The following MACROD2 variants were observed in gnomAD, a reference collection of about 807,000 sequenced individuals.
MACROD2 encodes mono-ADP ribosylhydrolase 2.
Under a neutral mutation model 70.4 loss-of-function variants are expected in MACROD2, and 36 were observed. That is an observed-to-expected ratio of 0.51 (90% CI 0.39 to 0.68). MACROD2 has a LOEUF of 0.68. MACROD2 is among the 30% of genes least tolerant of loss of function. The pLI is 0.00. For synonymous variants in MACROD2, 172 were observed against 178.8 expected (o/e 0.96, Z 0.30); for missense variants, 496 against 538.4 (o/e 0.92, Z 0.78).
intron 6 of MACROD2, among the ~76,000 whole-genome samples, chr20:15,303,442 C>T (rs948610641): frequency 3.9e-5 from 6 of 152,114 alleles, no homozygotes; most frequent in Admixed American, 6.6e-5. Flanking sequence ...GTCATCATGC[C>T]GCCTTGCCCT....
At chr20:14,214,002 T>C (rs1033691600) in intron 3 of MACROD2, among the ~76,000 whole-genome samples, 1 of 152,140 alleles carries the variant, frequency 6.6e-6, no homozygotes, top group East Asian at 1.9e-4. Flanking sequence ...GTGCACCTAC[T>C]TGCCTTGCTT....
chr20:15,663,870 C>G (rs1026110017), intron 8 of MACROD2, among the ~76,000 whole-genome samples: 10 of 152,140 alleles, frequency 6.6e-5, no homozygotes, highest in Non-Finnish European at 1.3e-4. Context: ...ACTGCAAAAA[C>G]AGAAGTCGGG....
chr20:14,254,676 T>A (rs1296900206), intron 3 of MACROD2, among the ~76,000 whole-genome samples: 1 of 152,216 alleles, frequency 6.6e-6, no homozygotes, highest in African/African-American at 2.4e-5. Context: ...AATAATTTTG[T>A]TCTATCCATA....
At chr20:14,132,891 T>A (rs113129443) in intron 3 of MACROD2, among the ~76,000 whole-genome samples, 4,036 of 152,290 alleles carry the variant, frequency 0.027, 53 homozygotes, top group Non-Finnish European at 0.032. Context: ...TCCTCCTGCC[T>A]TGGTCTCCCA....
chr20:14,470,614 T>A (rs1025966434), intron 3 of MACROD2, among the ~76,000 whole-genome samples: 7 of 152,088 alleles, frequency 4.6e-5, no homozygotes, highest in African/African-American at 1.7e-4. Flanking sequence ...TTTCAGAGAT[T>A]CCCTGCCTAG....
intron 8 of MACROD2, among the ~76,000 whole-genome samples, chr20:15,607,058 A>G (rs1380258517): frequency 2.6e-5 from 4 of 151,912 alleles, no homozygotes; most frequent in African/African-American, 9.7e-5. Context: ...GCTCATGACT[A>G]TTATCCCGGC....
At chr20:15,173,175 AATT>A (rs1401246175) in intron 5 of MACROD2, among the ~76,000 whole-genome samples, 12 of 151,718 alleles carry the variant, frequency 7.9e-5, no homozygotes, top group African/African-American at 1.7e-4. Context: ...GACTCAAAGA[AATT>A]ATCCATTACT....
intron 8 of MACROD2, among the ~76,000 whole-genome samples, chr20:15,591,434 G>A (rs1205367727): frequency 6.6e-6 from 1 of 152,000 alleles, no homozygotes; most frequent in Non-Finnish European, 1.5e-5. Flanking sequence ...ACAAGAACCT[G>A]ACATGACACC....
chr20:14,842,834 A>C (rs1396449934), intron 5 of MACROD2, among the ~76,000 whole-genome samples: 3 of 152,122 alleles, frequency 2.0e-5, no homozygotes, highest in Admixed American at 1.3e-4. Context: ...AACAGAGTCC[A>C]ATATTCAATC....
intron 5 of MACROD2, among the ~76,000 whole-genome samples, chr20:14,732,618 T>G (rs892727135): frequency 2.6e-5 from 4 of 152,150 alleles, no homozygotes; most frequent in Admixed American, 6.5e-5. Context: ...GGAAAGTCGA[T>G]GTTTTAGCCC....
At chr20:15,210,552 G>GTTTTTTTTTTTTTTTTTTTTTTT (rs11333280) in intron 5 of MACROD2, among the ~76,000 whole-genome samples, 2 of 121,648 alleles carry the variant, frequency 1.6e-5, no homozygotes, top group African/African-American at 3.2e-5. Context: ...CTTTTCTTCT[G>GTTTTTTTTTTTTTTTTTTTTTTT]TTTTTTTTTT....
chr20:15,966,484 A>G (rs1452685226), intron 12 of MACROD2, among the ~76,000 whole-genome samples: 1 of 152,166 alleles, frequency 6.6e-6, no homozygotes, highest in East Asian at 1.9e-4. Context: ...GCTCACACCT[A>G]TAATCCCAGC....
In MACROD2 at chr20:15,002,287, GT is replaced by G. The variant is rs199572306; in HGVS notation, c.419-227645del. ...CCACACAAACATCTAGTATTTTTTT[GT>G]TTTTTTTGGCTATGGCCATTCTTTT... On this transcript the variant is annotated intron_variant, in intron 5 of 17. Coordinates refer to ENST00000684519, the MANE Select transcript of MACROD2 (RefSeq NM_001351661.2). Among the ~76,000 whole-genome samples the G allele has an allele frequency of 3.3e-5, 5 of 151,350 alleles. No individual in the cohort carries two copies. The East Asian group carries it at 7.8e-4, about 24-fold the overall frequency.
At chr20:14,529,460 A>G (rs2085275903) in intron 4 of MACROD2, among the ~76,000 whole-genome samples, 1 of 152,206 alleles carries the variant, frequency 6.6e-6, no homozygotes, top group Non-Finnish European at 1.5e-5. Context: ...TTTACAGGCC[A>G]GGATAGGCTC....
At chr20:15,727,032 G>A (rs1263112466) in intron 8 of MACROD2, among the ~76,000 whole-genome samples, 4 of 151,950 alleles carry the variant, frequency 2.6e-5, no homozygotes, top group Non-Finnish European at 4.4e-5. Context: ...GTATTTCCTA[G>A]GTTATCTTCT....
At chr20:15,603,830 G>T (rs1439243222) in intron 8 of MACROD2, among the ~76,000 whole-genome samples, 1 of 152,182 alleles carries the variant, frequency 6.6e-6, no homozygotes, top group Non-Finnish European at 1.5e-5. Context: ...GGACATCAAA[G>T]ATCAAAGGTT....
At chr20:15,338,996 T>C (rs1043198062) in intron 6 of MACROD2, among the ~76,000 whole-genome samples, 2 of 151,856 alleles carry the variant, frequency 1.3e-5, no homozygotes, top group Non-Finnish European at 2.9e-5. Context: ...TATCAACAAC[T>C]GGCTTCATTG....
intron 2 of MACROD2, among the ~76,000 whole-genome samples, chr20:14,059,737 A>G (rs2053671194): frequency 6.6e-6 from 1 of 152,200 alleles, no homozygotes; most frequent in East Asian, 1.9e-4. Context: ...ACGAAACAGG[A>G]TTTTTGCTTT....
At chr20:14,602,858 C>T (rs1187698959) in intron 4 of MACROD2, among the ~76,000 whole-genome samples, 1 of 152,154 alleles carries the variant, frequency 6.6e-6, no homozygotes, top group Non-Finnish European at 1.5e-5. Context: ...TAGCCAAGGC[C>T]TTTGATGTCT....
Sources: allele counts gnomAD v4.1 joint callset (sites outside exome capture counted in the v4.1 genomes callset), GRCh38; gene constraint gnomAD v4.1.1; transcripts MANE v1.5; gene names NCBI Gene and HGNC (gene_info 2026-07-23, HGNC 2026-07-21).